Variants in ROBO1 observed in about 807,000 individuals in gnomAD.
ROBO1 encodes roundabout guidance receptor 1, also known as roundabout homolog 1.
A neutral mutation model predicts 195.9 loss-of-function variants in ROBO1; 149 were observed. That is an observed-to-expected ratio of 0.76 (90% CI 0.67 to 0.87). The LOEUF (loss-of-function observed/expected upper bound fraction) is 0.87. Ranked by LOEUF, ROBO1 falls within the 40% of genes least tolerant of loss-of-function variation. The pLI, the probability that ROBO1 is intolerant of heterozygous loss-of-function variation, is 0.00. For missense variants in ROBO1, 1,933 were observed against 2,068.3 expected (o/e 0.93, Z 1.27); for synonymous variants, 816 against 733.2 (o/e 1.11, Z -1.82).
At chr3:79,182,953 T>G (rs2081370651) in intron 2 of ROBO1, among the ~76,000 whole-genome samples, 1 of 151,636 alleles carries the variant, frequency 6.6e-6, no homozygotes, top group Admixed American at 6.6e-5. Flanking sequence ...TGGTGGCACG[T>G]GCCTGTAGTC....
intron 2 of ROBO1, among the ~76,000 whole-genome samples, chr3:79,326,368 G>A (rs376737313): frequency 1.9e-4 from 29 of 152,046 alleles, no homozygotes; most frequent in East Asian, 5.8e-4. Flanking sequence ...GGGGCATCAC[G>A]GAACCTGCCG....
intron 3 of ROBO1, among the ~76,000 whole-genome samples, chr3:79,042,417 C>A (rs111404337): frequency 2.6e-5 from 4 of 152,230 alleles, no homozygotes; most frequent in African/African-American, 9.6e-5. Context: ...CGATGGCGGT[C>A]GCACAGCTGA....
rs146761032 is a variant in ROBO1 at position 79,378,506 on chromosome 3, G to A, written c.88+211318C>T. Among the ~76,000 whole-genome samples, 80 of 152,264 alleles carry A rather than the reference G, an allele frequency of 5.3e-4. No individual in the cohort carries two copies. The South Asian group carries it at 6.2e-3, about 12-fold the overall frequency. On this transcript the variant is annotated intron_variant, in intron 2 of 30. Transcript: ENST00000464233. The stretch of plus-strand genomic sequence containing the variant: ...TCATGTGATAGGATGTAGAATCCAT[G>A]ACTGCTTCATATAGATAAACTATTT...
At chr3:79,714,640 A>G (rs1190475352) in intron 1 of ROBO1, among the ~76,000 whole-genome samples, 1 of 151,940 alleles carries the variant, frequency 6.6e-6, no homozygotes, top group Non-Finnish European at 1.5e-5. Context: ...AAAATGTGGC[A>G]CATATACATC....
At chr3:79,738,363 C>T (rs1468155295) in intron 1 of ROBO1, among the ~76,000 whole-genome samples, 1 of 152,142 alleles carries the variant, frequency 6.6e-6, no homozygotes, top group African/African-American at 2.4e-5. Flanking sequence ...TTATCTAACA[C>T]AATGTAAACT....
At chr3:79,703,085 G>T (rs1947665313) in intron 1 of ROBO1, among the ~76,000 whole-genome samples, 1 of 151,816 alleles carries the variant, frequency 6.6e-6, no homozygotes, top group African/African-American at 2.4e-5. Context: ...AATAAATCAA[G>T]TCTTAAAGGT....
Position 79,188,283 on chromosome 3 carries a change from G to A in ROBO1, c.89-62744C>T, listed in dbSNP as rs375815786. 1.8e-4 allele frequency among the ~76,000 whole-genome samples: 27 copies of A among 151,976 alleles called. 1 individual carries two copies. The East Asian group carries it at 4.6e-3, about 26-fold the overall frequency. ...TGAGTCCTTAATGTGGAGAGGAAAG[G>A]CTGTTGCTTCTTTGATTGACTGCAT... is the stretch of plus-strand genomic sequence containing the variant. On this transcript the variant is annotated intron_variant, in intron 2 of 30. Coordinates refer to ENST00000464233, the MANE Select transcript of ROBO1 (RefSeq NM_002941.4).
intron 4 of ROBO1, among the ~76,000 whole-genome samples, chr3:78,858,235 G>A (rs1192223808): frequency 6.6e-6 from 1 of 151,496 alleles, no homozygotes; most frequent in Non-Finnish European, 1.5e-5. Context: ...CACACCACAG[G>A]AAATCAGGAG....
intron 1 of ROBO1, among the ~76,000 whole-genome samples, chr3:79,685,856 C>T (rs373550625): frequency 1.1e-4 from 16 of 152,256 alleles, no homozygotes; most frequent in African/African-American, 3.8e-4. Flanking sequence ...AGGGAATCTT[C>T]CCTAACTCAT....
At chr3:79,359,969 A>G (rs934171712) in intron 2 of ROBO1, among the ~76,000 whole-genome samples, 2 of 152,048 alleles carry the variant, frequency 1.3e-5, no homozygotes, top group East Asian at 3.9e-4. Flanking sequence ...AACTTCCATC[A>G]CCAGATAAAA....
At chr3:79,765,833 G>A (rs1704955472) in intron 1 of ROBO1, among the ~76,000 whole-genome samples, 1 of 151,944 alleles carries the variant, frequency 6.6e-6, no homozygotes, top group Non-Finnish European at 1.5e-5. Context: ...CTGCATCTAC[G>A]CTCCTTCCTC....
chr3:78,812,886 A>T (rs2084784688), intron 4 of ROBO1, among the ~76,000 whole-genome samples: 1 of 152,144 alleles, frequency 6.6e-6, no homozygotes, highest in African/African-American at 2.4e-5. Context: ...ACATAATCAC[A>T]TGACTGCAAT....
At chr3:78,791,013 C>G (rs2084002495) in intron 4 of ROBO1, among the ~76,000 whole-genome samples, 2 of 152,132 alleles carry the variant, frequency 1.3e-5, no homozygotes, top group Admixed American at 1.3e-4. Context: ...TAGGATAACA[C>G]AAATAGGGAT....
chr3:78,981,976 A>T (rs2077005006), intron 3 of ROBO1, among the ~76,000 whole-genome samples: 1 of 152,104 alleles, frequency 6.6e-6, no homozygotes, highest in South Asian at 2.1e-4. Flanking sequence ...AAAGACTAAA[A>T]GTTGTTGCCA....
chr3:78,611,048 T>TAATCATATAA (rs1200242319), intron 28 of ROBO1, among the ~76,000 whole-genome samples: 1 of 152,202 alleles, frequency 6.6e-6, no homozygotes, highest in Non-Finnish European at 1.5e-5. Context: ...TGTATGTGTG[T>TAATCATATAA]AGACTTCATG....
At chr3:79,021,351 G>A (rs1448601386) in intron 3 of ROBO1, among the ~76,000 whole-genome samples, 4 of 152,176 alleles carry the variant, frequency 2.6e-5, no homozygotes, top group African/African-American at 9.7e-5. Context: ...GTACTTGAGA[G>A]AAAGAGAGCA....
At chr3:79,399,057 G>T (rs2037261578) in intron 2 of ROBO1, among the ~76,000 whole-genome samples, 1 of 152,048 alleles carries the variant, frequency 6.6e-6, no homozygotes, top group Non-Finnish European at 1.5e-5. Flanking sequence ...AGGTCATAGG[G>T]CCAGAGTCCT....
At chr3:78,921,849 C>G (rs1011871095) in intron 4 of ROBO1, among the ~76,000 whole-genome samples, 2 of 151,038 alleles carry the variant, frequency 1.3e-5, no homozygotes, top group Admixed American at 1.3e-4. Context: ...TGCAGTGGCA[C>G]GATCTCAGTT....
chr3:78,714,501 G>T lies in ROBO1; in HGVS notation c.941C>A (p.Thr314Asn), dbSNP rs780736228. Residue 314 changes from threonine (T) to asparagine (N), a missense_variant, in exon 8 of 31, where the codon ACC becomes AAC. Around this residue, in one of 3 missense-constraint regions of ROBO1, gnomAD observed 1,737 missense variants for 1,882.5 expected, o/e 0.92. Transcript: ENST00000464233. ...KSRYEIRDDH[T>N]LKIRKVTAGD... is the part of the protein sequence containing the mutation. ...AGCTGTCACCTTCCTAATTTTCAAG[G>T]TATGATCATCTCGGATTTCATATCT... is the stretch of plus-strand genomic sequence containing the variant. 1 of 1,611,154 alleles carries T rather than the reference G, an allele frequency of 6.2e-7. No individual in the cohort carries two copies. The highest frequency in any genetic ancestry group is 8.5e-7 in the Non-Finnish European group (1 of 1,178,708).
Sources: gnomAD v4.1 joint callset for allele counts (sites outside exome capture counted in the v4.1 genomes callset) on GRCh38, gnomAD v4.1.1 for gene constraint, gnomAD v4.1.1 regional missense constraint, MANE v1.5 for transcripts, NCBI Gene and HGNC (gene_info 2026-07-23, HGNC 2026-07-21) for gene names.